The following RPS6KA2 variants were observed in gnomAD, a reference collection of about 807,000 sequenced individuals.
RPS6KA2 encodes ribosomal protein S6 kinase A2.
RPS6KA2 carries 42 observed loss-of-function variants against 91.8 expected under a neutral mutation model. The observed-to-expected ratio is 0.46, with a 90% CI of 0.36 to 0.59. The LOEUF (loss-of-function observed/expected upper bound fraction) is 0.59, where lower values mean the gene tolerates loss of function less well. RPS6KA2 is among the 20% of genes least tolerant of loss of function. RPS6KA2 has a pLI of 0.00. For synonymous variants in RPS6KA2, 414 were observed against 393.6 expected, an observed-to-expected ratio of 1.05 and a Z score of -0.61; for missense variants, 798 against 978.5, an observed-to-expected ratio of 0.82 and a Z score of 2.46.
At chr6:166,671,367 C>T (rs375067840) in intron 2 of RPS6KA2, among the ~76,000 whole-genome samples, 6 of 152,088 alleles carry the variant, frequency 3.9e-5, no homozygotes, top group Admixed American at 2.6e-4. Flanking sequence ...TGCATTGGGT[C>T]GAAAGCATTT....
At chr6:166,785,769 C>T (rs1222403351) in intron 2 of RPS6KA2, among the ~76,000 whole-genome samples, 1 of 152,196 alleles carries the variant, frequency 6.6e-6, no homozygotes, top group Non-Finnish European at 1.5e-5. Flanking sequence ...CTATAAAGCA[C>T]TCAATGATTT....
chr6:166,504,547 G>A lies in RPS6KA2; in HGVS notation c.525C>T (p.Leu175=). ...LAELALALDH[L]HSLGIIYRDL... is the part of the protein sequence containing the mutation. ...CTCTGTAGATGATCCCCAGGCTGTG[G>A]AGATGGTCTAAAGCCAAGGCCAGCT... The change falls in exon 6 of 21, where the codon CTC becomes CTT. Residue 175 remains leucine, a synonymous_variant. Coordinates refer to ENST00000265678, the MANE Select transcript of RPS6KA2 (RefSeq NM_021135.6). 6.2e-7 allele frequency: 1 copy of A among 1,613,826 alleles called. No individual in the cohort carries two copies.
At chr6:166,824,246 G>A (rs1297155567) in intron 2 of RPS6KA2, among the ~76,000 whole-genome samples, 1 of 152,190 alleles carries the variant, frequency 6.6e-6, no homozygotes, top group Non-Finnish European at 1.5e-5. Flanking sequence ...AGGCAGCGAG[G>A]GAGGGCTGCC....
rs141445677 is a variant in RPS6KA2 at position 166,573,985 on chromosome 6, C to T, written c.100-35201G>A. On this transcript the variant is annotated intron_variant, in intron 1 of 20. Coordinates refer to ENST00000265678, the MANE Select transcript of RPS6KA2 (RefSeq NM_021135.6). ...AGGATCTTTAAAAGGACTCTCAGTCCTAACAGCTCACAATAAACCATCTCT... is the reference window on the plus strand; with the variant it reads ...AGGATCTTTAAAAGGACTCTCAGTCTTAACAGCTCACAATAAACCATCTCT... Among the ~76,000 whole-genome samples the T allele has an allele frequency of 1.1e-4, 17 of 152,180 alleles. No individual in the cohort carries two copies. The East Asian group carries it at 3.3e-3, about 29-fold the overall frequency.
At chr6:166,760,378 A>C (rs896450879) in intron 2 of RPS6KA2, among the ~76,000 whole-genome samples, 1 of 152,256 alleles carries the variant, frequency 6.6e-6, no homozygotes, top group East Asian at 1.9e-4. Flanking sequence ...CTCCAAAGGA[A>C]AAATACCCAA....
intron 1 of RPS6KA2, among the ~76,000 whole-genome samples, chr6:166,565,130 C>T (rs1784455681): frequency 6.6e-6 from 1 of 152,168 alleles, no homozygotes; most frequent in Non-Finnish European, 1.5e-5. Flanking sequence ...CTTGAAATTC[C>T]TGGGAGAAAA....
intron 14 of RPS6KA2, among the ~76,000 whole-genome samples, chr6:166,438,191 G>T (rs1779402460): frequency 6.6e-6 from 1 of 152,248 alleles, no homozygotes; most frequent in Non-Finnish European, 1.5e-5. Flanking sequence ...TATCCTGGTA[G>T]AAAAAGTTAA....
intron 3 of RPS6KA2, among the ~76,000 whole-genome samples, chr6:166,530,082 T>C (rs1783212825): frequency 6.6e-6 from 1 of 152,200 alleles, no homozygotes; most frequent in African/African-American, 2.4e-5. Context: ...TTTCCTCAGC[T>C]AGAAGGCAAG....
chr6:166,748,497 G>C (rs946013159), intron 2 of RPS6KA2, among the ~76,000 whole-genome samples: 2 of 151,248 alleles, frequency 1.3e-5, no homozygotes, highest in African/African-American at 2.4e-5. Flanking sequence ...CTGGGCAGAG[G>C]GGGCAGATCA....
chr6:166,567,931 GA>G (rs1369789694), intron 1 of RPS6KA2, among the ~76,000 whole-genome samples: 6 of 152,314 alleles, frequency 3.9e-5, no homozygotes, highest in South Asian at 4.1e-4. Flanking sequence ...CTCACCTGGG[GA>G]AAGAGCACAC....
intron 7 of RPS6KA2, among the ~76,000 whole-genome samples, chr6:166,499,856 T>TCA (rs1312099646): frequency 6.6e-6 from 1 of 152,112 alleles, no homozygotes; most frequent in East Asian, 1.9e-4. Context: ...ACAGGGACTT[T>TCA]GAGAACAGAC....
chr6:166,663,540 CCCCT>C (rs1788221636), intron 2 of RPS6KA2, among the ~76,000 whole-genome samples: 1 of 152,186 alleles, frequency 6.6e-6, no homozygotes, highest in African/African-American at 2.4e-5. Flanking sequence ...CAGGGTTATT[CCCCT>C]CTTTGGGTCT....
intron 2 of RPS6KA2, among the ~76,000 whole-genome samples, chr6:166,802,345 C>T (rs1250280989): frequency 2.0e-5 from 3 of 151,976 alleles, no homozygotes; most frequent in South Asian, 4.2e-4. Flanking sequence ...TTTAGTTCAT[C>T]GTAGTGGCCC....
chr6:166,714,587 G>T (rs913912629), intron 2 of RPS6KA2, among the ~76,000 whole-genome samples: 4 of 152,216 alleles, frequency 2.6e-5, no homozygotes, highest in Non-Finnish European at 5.9e-5. Flanking sequence ...AGACAGAGAC[G>T]CACAGAGGGA....
intron 2 of RPS6KA2, among the ~76,000 whole-genome samples, chr6:166,641,652 G>T (rs541484237): frequency 5.3e-4 from 73 of 138,338 alleles, no homozygotes; most frequent in African/African-American, 1.9e-3. Flanking sequence ...CCTGGGAGGC[G>T]GGGGGTGCAG....
At chr6:166,804,143 A>G (rs1779434875) in intron 2 of RPS6KA2, among the ~76,000 whole-genome samples, 1 of 150,174 alleles carries the variant, frequency 6.7e-6, no homozygotes, top group African/African-American at 2.4e-5. Flanking sequence ...GATAATAATT[A>G]TAACTGGAAT....
At chr6:166,658,221 G>T (rs547702920) in intron 2 of RPS6KA2, among the ~76,000 whole-genome samples, 2 of 152,246 alleles carry the variant, frequency 1.3e-5, no homozygotes, top group African/African-American at 4.8e-5. Context: ...TGTTGGGGGT[G>T]GCACCAAGTT....
intron 2 of RPS6KA2, among the ~76,000 whole-genome samples, chr6:166,537,123 C>T (rs567854436): frequency 5.3e-5 from 8 of 152,360 alleles, no homozygotes; most frequent in East Asian, 3.9e-4. Context: ...CCTGGGCCTC[C>T]GCCATGGGAT....
rs1367621122 is a variant in RPS6KA2 at position 166,554,892 on chromosome 6, T to C, written c.100-16108A>G. On this transcript the variant is annotated intron_variant, in intron 1 of 20. Transcript: ENST00000265678. The surrounding 1 kb of genome is among the most constrained non-coding windows in gnomAD (Gnocchi z 4.3). ...ATGTCTCCAGTTTTACAAAGGTCAA[T>C]TGGTAATTTACAAAACCTGATTTTG... Among the ~76,000 whole-genome samples, 3 of 152,242 alleles carry C rather than the reference T, an allele frequency of 2.0e-5. No homozygotes were observed. The highest frequency in any genetic ancestry group is 7.2e-5 in the African/African-American group (3 of 41,474).
Sources: allele counts gnomAD v4.1 joint callset (sites outside exome capture counted in the v4.1 genomes callset), GRCh38; gene constraint gnomAD v4.1.1; non-coding constraint Gnocchi (gnomAD v3.1); transcripts MANE v1.5; gene names NCBI Gene and HGNC (gene_info 2026-07-23, HGNC 2026-07-21).